The following MFHAS1 variants were observed in gnomAD, a reference collection of about 807,000 sequenced individuals.
MFHAS1 encodes malignant fibrous histiocytoma-amplified sequence 1.
Under a neutral mutation model 70.4 loss-of-function variants are expected in MFHAS1, and 50 were observed. The ratio of observed to expected loss-of-function variants is 0.71; its 90% CI spans 0.57 to 0.90. MFHAS1 has a LOEUF of 0.90. Among genes scored for constraint, MFHAS1 ranks in the 40% least tolerant of loss-of-function variants. The probability of loss-of-function intolerance (pLI) is 0.00; values close to 1 mark genes in which losing one functional copy is unlikely to be tolerated. For synonymous variants in MFHAS1, 952 were observed against 620.0 expected (o/e 1.54, Z -7.96); for missense variants, 1,795 against 1,347.6 (o/e 1.33, Z -5.20).
At chr8:8,888,898 A>T (rs1809875360) in intron 1 of MFHAS1, among the ~76,000 whole-genome samples, 1 of 152,080 alleles carries the variant, frequency 6.6e-6, no homozygotes, top group South Asian at 2.1e-4. Flanking sequence ...AAACAAATGT[A>T]CTGCTCTGGT....
intron 1 of MFHAS1, among the ~76,000 whole-genome samples, chr8:8,870,288 TACAAAAAA>T (rs1809026349): frequency 1.1e-5 from 1 of 89,078 alleles, no homozygotes. Flanking sequence ...ACCCTGTCTC[TACAAAAAA>T]AAAAAAAAAA....
At chr8:8,850,556 C>G (rs1808204734) in intron 1 of MFHAS1, among the ~76,000 whole-genome samples, 1 of 152,032 alleles carries the variant, frequency 6.6e-6, no homozygotes, top group South Asian at 2.1e-4. Flanking sequence ...ATCAGAACAC[C>G]CAGGGTCGGG....
At chr8:8,829,147 T>C (rs778583709) in intron 1 of MFHAS1, among the ~76,000 whole-genome samples, 1 of 152,168 alleles carries the variant, frequency 6.6e-6, no homozygotes, top group Admixed American at 6.5e-5. Flanking sequence ...GGGACCCCAA[T>C]ACGTCACCTC....
intron 1 of MFHAS1, among the ~76,000 whole-genome samples, chr8:8,800,689 C>T (rs904054905): frequency 1.1e-4 from 16 of 152,148 alleles, no homozygotes; most frequent in African/African-American, 3.6e-4. Flanking sequence ...TAAAATCATC[C>T]CCAGGGCTTG....
intron 1 of MFHAS1, among the ~76,000 whole-genome samples, chr8:8,841,682 G>A (rs1169663279): frequency 6.6e-6 from 1 of 152,068 alleles, no homozygotes; most frequent in Non-Finnish European, 1.5e-5. Context: ...GCTGCAGAGA[G>A]ACTGAACAGG....
chr8:8,794,305 C>G (rs1353300078), intron 2 of MFHAS1, among the ~76,000 whole-genome samples: 4 of 152,170 alleles, frequency 2.6e-5, no homozygotes, highest in Non-Finnish European at 5.9e-5. Flanking sequence ...GCTGAGACCC[C>G]AAGTCTCAGG....
intron 2 of MFHAS1, among the ~76,000 whole-genome samples, chr8:8,795,768 TGCC>T (rs1805871481): frequency 6.6e-6 from 1 of 152,236 alleles, no homozygotes; most frequent in African/African-American, 2.4e-5. Flanking sequence ...CCTGTCACAC[TGCC>T]TGGAATGCAG....
intron 1 of MFHAS1, among the ~76,000 whole-genome samples, chr8:8,850,811 CAAAA>C (rs149181304): frequency 3.7e-4 from 39 of 105,498 alleles, no homozygotes; most frequent in African/African-American, 1.3e-3. Flanking sequence ...AACTCCGTCT[CAAAA>C]AAAAAAAAAA....
rs1048729281 is a variant in MFHAS1, at chr8:8,888,107, T to A, written c.2998+1954A>T. 3.3e-5 allele frequency among the ~76,000 whole-genome samples: 5 copies of A among 152,154 alleles called. No homozygotes were observed. The East Asian group carries it at 7.7e-4, about 23-fold the overall frequency. The stretch of plus-strand genomic sequence containing the variant: ...TCTTGCTTCCATGAATAACACACAA[T>A]GACAAATATAAAACAAACTGAAGAG... On this transcript the variant is annotated intron_variant, in intron 1 of 2. Transcript: ENST00000276282.
intron 1 of MFHAS1, among the ~76,000 whole-genome samples, chr8:8,827,829 T>A (rs552304156): frequency 6.6e-6 from 1 of 152,384 alleles, no homozygotes; most frequent in East Asian, 1.9e-4. Flanking sequence ...AAGATATATT[T>A]AAAATTTACT....
At chr8:8,833,751 T>C (rs185807053) in intron 1 of MFHAS1, among the ~76,000 whole-genome samples, 29 of 152,344 alleles carry the variant, frequency 1.9e-4, no homozygotes, top group Non-Finnish European at 3.4e-4. Flanking sequence ...TACATGTGAA[T>C]GTTCATAGTG....
At chr8:8,863,697 A>G (rs987498761) in intron 1 of MFHAS1, among the ~76,000 whole-genome samples, 1 of 152,174 alleles carries the variant, frequency 6.6e-6, no homozygotes, top group Non-Finnish European at 1.5e-5. Context: ...AACCCAGACC[A>G]TGGCCTGTTT....
intron 1 of MFHAS1, among the ~76,000 whole-genome samples, chr8:8,828,038 C>T (rs1229422803): frequency 2.0e-5 from 3 of 152,018 alleles, no homozygotes; most frequent in African/African-American, 7.3e-5. Context: ...AATTTACTTC[C>T]CCCGGTGATT....
At chr8:8,837,538 G>C (rs992924130) in intron 1 of MFHAS1, among the ~76,000 whole-genome samples, 1 of 151,972 alleles carries the variant, frequency 6.6e-6, no homozygotes, top group Admixed American at 6.6e-5. Flanking sequence ...AGCTACTCGA[G>C]AGGCTGAGGC....
intron 1 of MFHAS1, among the ~76,000 whole-genome samples, chr8:8,860,597 C>G (rs1808624660): frequency 6.6e-6 from 1 of 152,170 alleles, no homozygotes; most frequent in Non-Finnish European, 1.5e-5. Context: ...CTGCCACCAT[C>G]ACAGCAAACA....
At chr8:8,844,739 C>G (rs1176530830) in intron 1 of MFHAS1, among the ~76,000 whole-genome samples, 1 of 152,232 alleles carries the variant, frequency 6.6e-6, no homozygotes, top group East Asian at 1.9e-4. Flanking sequence ...TATTGGATTA[C>G]TGACCATTCC....
chr8:8,881,448 A>C (rs1359046053), intron 1 of MFHAS1, among the ~76,000 whole-genome samples: 1 of 152,152 alleles, frequency 6.6e-6, no homozygotes, highest in Admixed American at 6.6e-5. Flanking sequence ...TAACCTGTAC[A>C]CACTTTCCGG....
intron 1 of MFHAS1, among the ~76,000 whole-genome samples, chr8:8,870,381 G>C (rs1228384695): frequency 6.6e-6 from 1 of 151,984 alleles, no homozygotes; most frequent in Non-Finnish European, 1.5e-5. Context: ...TGGAAGGATA[G>C]CTTGAGCCCA....
chr8:8,860,802 C>T (rs1269412739), intron 1 of MFHAS1, among the ~76,000 whole-genome samples: 2 of 152,176 alleles, frequency 1.3e-5, no homozygotes, highest in Non-Finnish European at 2.9e-5. Flanking sequence ...GAGATGTTTG[C>T]TCTTGGCAGA....
Sources: allele counts gnomAD v4.1 joint callset (sites outside exome capture counted in the v4.1 genomes callset), GRCh38; gene constraint gnomAD v4.1.1; transcripts MANE v1.5; gene names NCBI Gene and HGNC (gene_info 2026-07-23, HGNC 2026-07-21).